The following SUGCT variants were observed in gnomAD, a reference collection of about 807,000 sequenced individuals.
The protein encoded by SUGCT is succinyl-CoA:glutarate CoA-transferase.
Under a neutral mutation model 55.0 loss-of-function variants are expected in SUGCT, and 41 were observed. The ratio of observed to expected loss-of-function variants is 0.74; its 90% CI spans 0.58 to 0.97. SUGCT has a LOEUF of 0.97. SUGCT is among the 50% of genes least tolerant of loss of function. SUGCT has a pLI of 0.00. For synonymous variants in SUGCT, 187 were observed against 200.4 expected (o/e 0.93, Z 0.56); for missense variants, 568 against 547.8 (o/e 1.04, Z -0.37).
rs1397650564 is a variant in SUGCT, at chr7:40,831,847, G to T, written c.1154-28469G>T. ...CCTGTAGTGTGATGAAGGCTACCAG[G>T]CATATTAAGGAGGAAGAGAGTACAG... On this transcript the variant is annotated intron_variant, in intron 13 of 13. Transcript: ENST00000335693. Among the ~76,000 whole-genome samples, 4 of 152,176 alleles carry T rather than the reference G, an allele frequency of 2.6e-5. No homozygotes were observed. The East Asian group carries it at 7.7e-4, about 29-fold the overall frequency.
chr7:40,217,344 C>T (rs1004772168), intron 6 of SUGCT: 23 of 379,838 alleles, frequency 6.1e-5, no homozygotes, highest in Admixed American at 1.4e-4. Flanking sequence ...CCAAGTGGCT[C>T]GGACTACAGG....
intron 12 of SUGCT, among the ~76,000 whole-genome samples, chr7:40,668,634 A>G (rs6947078): frequency 0.32 from 49,364 of 152,038 alleles, 9,692 homozygotes; most frequent in African/African-American, 0.56. Flanking sequence ...GACTGGTTAG[A>G]CATCTCAAGA....
At chr7:40,242,740 T>C (rs1368923505) in intron 7 of SUGCT, among the ~76,000 whole-genome samples, 1 of 151,224 alleles carries the variant, frequency 6.6e-6, no homozygotes, top group Non-Finnish European at 1.5e-5. Flanking sequence ...TCTAATTCAC[T>C]GCTGTCTGTT....
chr7:40,707,010 C>T (rs1268286246), intron 12 of SUGCT, among the ~76,000 whole-genome samples: 1 of 152,148 alleles, frequency 6.6e-6, no homozygotes, highest in East Asian at 1.9e-4. Flanking sequence ...ATTGTCCACC[C>T]TCACTCTTGG....
At chr7:40,898,638 G>C in the SUGCT span, among the ~76,000 whole-genome samples, 1 of 152,058 alleles carries the variant, frequency 6.6e-6, no homozygotes, top group Admixed American at 6.5e-5. Flanking sequence ...GTAGGAGAAT[G>C]GCGTGAACCG....
At chr7:40,582,354 T>C (rs1177656533) in intron 12 of SUGCT, among the ~76,000 whole-genome samples, 2 of 152,164 alleles carry the variant, frequency 1.3e-5, no homozygotes, top group Non-Finnish European at 2.9e-5. Context: ...GGTTTTAGTG[T>C]CTCTCAACAA....
the SUGCT span, among the ~76,000 whole-genome samples, chr7:40,977,588 A>C: frequency 4.5e-3 from 684 of 152,214 alleles, 1 homozygote; most frequent in Non-Finnish European, 8.1e-3. Context: ...CTTCTAGGGG[A>C]AGGGGTATGA....
chr7:40,235,145 G>T (rs921191703), intron 6 of SUGCT, among the ~76,000 whole-genome samples: 4 of 151,558 alleles, frequency 2.6e-5, no homozygotes, highest in African/African-American at 9.7e-5. Context: ...TTATAATCTT[G>T]AATTATTTTA....
chr7:40,545,723 C>G (rs1379926862), intron 12 of SUGCT, among the ~76,000 whole-genome samples: 2 of 152,046 alleles, frequency 1.3e-5, no homozygotes, highest in Non-Finnish European at 2.9e-5. Flanking sequence ...TTTTTTCTTC[C>G]TTTCTTTTTC....
At chr7:40,572,019 A>G (rs992387807) in intron 12 of SUGCT, among the ~76,000 whole-genome samples, 1 of 152,144 alleles carries the variant, frequency 6.6e-6, no homozygotes, top group African/African-American at 2.4e-5. Flanking sequence ...AATTGCAGGG[A>G]TGGACGAGTG....
Position 40,188,204 on chromosome 7 carries a change from C to T in SUGCT, c.227-291C>T, listed in dbSNP as rs188233722. Reference sequence around the variant, plus strand: ...ATCCCAGCACTTTGGGAAGCTGAAGCGGGTGGATCACCTGAGGTCAGGAGT... The same window carrying T: ...ATCCCAGCACTTTGGGAAGCTGAAGTGGGTGGATCACCTGAGGTCAGGAGT... On this transcript the variant is annotated intron_variant, in intron 3 of 13. Coordinates refer to ENST00000335693, the MANE Select transcript of SUGCT (RefSeq NM_001193313.2). Among the ~76,000 whole-genome samples, 1,116 of 152,060 alleles carry T rather than the reference C, an allele frequency of 7.3e-3. 7 individuals are homozygous for T. The highest frequency in any genetic ancestry group is 0.01 in the Non-Finnish European group (702 of 67,988).
chr7:40,559,473 T>TA (rs1361325965), intron 12 of SUGCT, among the ~76,000 whole-genome samples: 2 of 152,258 alleles, frequency 1.3e-5, no homozygotes, highest in Admixed American at 1.3e-4. Context: ...ACCCAGTGGT[T>TA]ACAATTGTCC....
intron 12 of SUGCT, among the ~76,000 whole-genome samples, chr7:40,520,137 C>G (rs6977104): frequency 0.21 from 32,227 of 151,986 alleles, 6,109 homozygotes; most frequent in African/African-American, 0.51. Flanking sequence ...AAGAGTTGAC[C>G]ATCAATTCAT....
At chr7:40,790,675 C>T (rs574027108) in intron 13 of SUGCT, among the ~76,000 whole-genome samples, 4 of 152,102 alleles carry the variant, frequency 2.6e-5, no homozygotes, top group Non-Finnish European at 5.9e-5. Flanking sequence ...TAAGTCATCA[C>T]GTTTACTTAT....
intron 12 of SUGCT, among the ~76,000 whole-genome samples, chr7:40,717,886 A>T (rs1235948670): frequency 2.0e-5 from 3 of 152,088 alleles, no homozygotes; most frequent in African/African-American, 7.2e-5. Context: ...TATTAGAGGT[A>T]GTTACTGAAA....
At chr7:40,600,369 G>A (rs2151752011) in intron 12 of SUGCT, among the ~76,000 whole-genome samples, 1 of 152,270 alleles carries the variant, frequency 6.6e-6, no homozygotes, top group South Asian at 2.1e-4. Context: ...CCAAATCCCA[G>A]GCATCATTGT....
intron 12 of SUGCT, among the ~76,000 whole-genome samples, chr7:40,674,057 T>C (rs1802074351): frequency 1.3e-5 from 2 of 152,212 alleles, no homozygotes; most frequent in African/African-American, 4.8e-5. Flanking sequence ...ATTGATCCGA[T>C]TAAAGATTAA....
intron 13 of SUGCT, among the ~76,000 whole-genome samples, chr7:40,804,524 CCTTTGT>C (rs1790988224): frequency 6.6e-6 from 1 of 151,874 alleles, no homozygotes; most frequent in South Asian, 2.1e-4. Flanking sequence ...AGGTCATCTA[CCTTTGT>C]CTTTGTAAGA....
intron 1 of SUGCT, among the ~76,000 whole-genome samples, chr7:40,155,144 G>A (rs963731448): frequency 2.6e-5 from 4 of 152,146 alleles, no homozygotes; most frequent in South Asian, 2.1e-4. Flanking sequence ...AATTAGCTGG[G>A]TGTAGTGGCG....
Sources: gnomAD v4.1 joint callset for allele counts (sites outside exome capture counted in the v4.1 genomes callset) on GRCh38, gnomAD v4.1.1 for gene constraint, MANE v1.5 for transcripts, NCBI Gene and HGNC (gene_info 2026-07-23, HGNC 2026-07-21) for gene names.